C3orf70: variants seen among roughly 807,000 people sequenced by gnomAD.
C3orf70 encodes chromosome 3 open reading frame 70, also known as UPF0524 protein C3orf70.
Under a neutral mutation model 20.7 loss-of-function variants are expected in C3orf70, and 15 were observed. The observed-to-expected ratio is 0.72, with a 90% confidence interval of 0.48 to 1.11. The LOEUF is 1.11. Among genes scored for constraint, C3orf70 ranks in the 50% most tolerant of loss-of-function variants. The pLI is 0.00. For synonymous variants in C3orf70, 161 were observed against 125.7 expected (o/e 1.28, Z -1.88); for missense variants, 332 against 317.6 (o/e 1.05, Z -0.34).
At chr3:185,113,497 A>T (rs998798968) in intron 1 of C3orf70, among the ~76,000 whole-genome samples, 1 of 152,172 alleles carries the variant, frequency 6.6e-6, no homozygotes, top group African/African-American at 2.4e-5. Context: ...AGGAAGAAAA[A>T]GTCAGGAAAA....
chr3:185,136,396 T>A (rs1012373859), intron 1 of C3orf70, among the ~76,000 whole-genome samples: 2 of 151,944 alleles, frequency 1.3e-5, no homozygotes, highest in African/African-American at 4.8e-5. Flanking sequence ...GAGACCAGCC[T>A]GGCCAAAATG....
intron 1 of C3orf70, among the ~76,000 whole-genome samples, chr3:185,147,113 T>C (rs1188510145): frequency 6.6e-6 from 1 of 152,222 alleles, no homozygotes; most frequent in Non-Finnish European, 1.5e-5. Context: ...CATCTACCTT[T>C]TGCTGTGACA....
chr3:185,101,412 TAACTA>T (rs1715821574), intron 1 of C3orf70, among the ~76,000 whole-genome samples: 1 of 152,136 alleles, frequency 6.6e-6, no homozygotes, highest in Non-Finnish European at 1.5e-5. Flanking sequence ...ATTCATCACA[TAACTA>T]AAGACAACCA....
At position 185,151,327 on chromosome 3, in the gene C3orf70, C is replaced by T. The variant is rs1186421386; in HGVS notation, c.196+1301G>A. 7.2e-5 allele frequency among the ~76,000 whole-genome samples: 11 copies of T among 152,220 alleles called. No homozygotes were observed. The East Asian group carries it at 2.1e-3, about 29-fold the overall frequency. ...TTTTACACAACGATTCTATACTTTC[C>T]CACGAAATGAATGAAAGTCCAGATT... On this transcript the variant is annotated intron_variant, in intron 1 of 1. Transcript: ENST00000335012.
At chr3:185,093,487 A>C (rs58541159) in intron 1 of C3orf70, among the ~76,000 whole-genome samples, 3,648 of 152,274 alleles carry the variant, frequency 0.024, 121 homozygotes, top group African/African-American at 0.082. Flanking sequence ...GCAACAAATT[A>C]TTGTGTATTT....
At chr3:185,117,450 C>CTG (rs1561350484) in intron 1 of C3orf70, among the ~76,000 whole-genome samples, 1 of 67,320 alleles carries the variant, frequency 1.5e-5, no homozygotes, top group African/African-American at 6.7e-5. Context: ...CACACACACA[C>CTG]AGAAAGAGAG....
In C3orf70 at chr3:185,128,319, G is replaced by C. The variant is rs531959747; in HGVS notation, c.196+24309C>G. On this transcript the variant is annotated intron_variant, in intron 1 of 1. Coordinates refer to ENST00000335012, the MANE Select transcript of C3orf70 (RefSeq NM_001025266.3). Reference sequence around the variant, plus strand: ...GAGGCGGGTGGATCACCTGAGGTCAGGAGTTCGAGGCCAGTCTGGCCAACA... The same window carrying C: ...GAGGCGGGTGGATCACCTGAGGTCACGAGTTCGAGGCCAGTCTGGCCAACA... Among the ~76,000 whole-genome samples, 385 of 152,260 alleles carry C rather than the reference G, an allele frequency of 2.5e-3. 1 individual carries two copies. The highest frequency in any genetic ancestry group is 9.1e-3 in the African/African-American group (378 of 41,574).
chr3:185,146,567 C>A (rs1026690739), intron 1 of C3orf70, among the ~76,000 whole-genome samples: 1 of 152,138 alleles, frequency 6.6e-6, no homozygotes, highest in Non-Finnish European at 1.5e-5. Context: ...GGATTACAGG[C>A]GTGAGCCACC....
intron 1 of C3orf70, among the ~76,000 whole-genome samples, chr3:185,127,945 G>C (rs553452401): frequency 1.3e-5 from 2 of 152,224 alleles, no homozygotes; most frequent in East Asian, 3.9e-4. Flanking sequence ...CATTAGTGTG[G>C]ATTCACTAAA....
intron 1 of C3orf70, among the ~76,000 whole-genome samples, chr3:185,087,936 G>A (rs1264300369): frequency 6.9e-6 from 1 of 144,286 alleles, no homozygotes; most frequent in African/African-American, 2.6e-5. Context: ...TTTTGAGATG[G>A]AGTCTCTCTC....
At chr3:185,142,282 A>AC (rs1322618596) in intron 1 of C3orf70, among the ~76,000 whole-genome samples, 1 of 151,812 alleles carries the variant, frequency 6.6e-6, no homozygotes, top group African/African-American at 2.4e-5. Flanking sequence ...ACACAGTGAA[A>AC]CCCCCCTCTC....
At chr3:185,126,244 A>C (rs1456890664) in intron 1 of C3orf70, among the ~76,000 whole-genome samples, 1 of 152,186 alleles carries the variant, frequency 6.6e-6, no homozygotes, top group Non-Finnish European at 1.5e-5. Context: ...AACAAGTATC[A>C]AACGATATAG....
intron 1 of C3orf70, among the ~76,000 whole-genome samples, chr3:185,090,809 T>C (rs1390467307): frequency 2.6e-5 from 4 of 152,190 alleles, no homozygotes; most frequent in Non-Finnish European, 5.9e-5. Flanking sequence ...TGGCAGTCAA[T>C]ACACCAATAT....
Position 185,083,312 on chromosome 3 carries a change from G to C in C3orf70, c.448C>G (p.Pro150Ala), listed in dbSNP as rs140063737. 6.2e-7 allele frequency: 1 copy of C among 1,614,180 alleles called. No individual in the cohort carries two copies. Among genetic ancestry groups the C allele is most frequent in the Non-Finnish European group, 8.5e-7 (1 of 1,180,036 alleles). The change falls in exon 2 of 2, where the codon CCG becomes GCG. Residue 150 changes from proline (P) to alanine (A), a missense_variant. Transcript: ENST00000335012. The stretch of plus-strand genomic sequence containing the variant: ...CTCATTCTGTGGGAATGTGGTGCCG[G>C]CTGCTTCTGCACATAACACATCTTC... ...NGKMCYVQKQ[P>A]APHSHRMSPE... is the part of the protein sequence containing the mutation.
chr3:185,130,684 GC>G (rs1280348432), intron 1 of C3orf70, among the ~76,000 whole-genome samples: 1 of 151,936 alleles, frequency 6.6e-6, no homozygotes, highest in Non-Finnish European at 1.5e-5. Context: ...GCTTATTCTG[GC>G]CATTTCATAT....
At chr3:185,150,503 A>G (rs577186892) in intron 1 of C3orf70, among the ~76,000 whole-genome samples, 12 of 148,632 alleles carry the variant, frequency 8.1e-5, no homozygotes, top group African/African-American at 2.5e-4. Context: ...CAAAAATATA[A>G]GTGTGAGATG....
chr3:185,076,894 A>T lies in C3orf70; in HGVS notation c.*6113T>A, dbSNP rs1028329956. Among the ~76,000 whole-genome samples the T allele has an allele frequency of 9.9e-5, 15 of 152,188 alleles. No individual in the cohort carries two copies. The highest frequency in any genetic ancestry group is 1.9e-4 in the Non-Finnish European group (13 of 68,034). On this transcript the variant is annotated 3_prime_UTR_variant, in exon 2 of 2. Transcript: ENST00000335012. ...AAAAGTGTGTGCAGTCAGCATTTGTAAGAGGCTACAATGAGATGCCTTCTA... is the reference window on the plus strand; with the variant it reads ...AAAAGTGTGTGCAGTCAGCATTTGTTAGAGGCTACAATGAGATGCCTTCTA...
intron 1 of C3orf70, among the ~76,000 whole-genome samples, chr3:185,093,039 C>T (rs1284569082): frequency 6.6e-6 from 1 of 151,972 alleles, no homozygotes; most frequent in East Asian, 1.9e-4. Context: ...GGTTGAGTAT[C>T]CCTTATCTGA....
intron 1 of C3orf70, among the ~76,000 whole-genome samples, chr3:185,116,467 G>A (rs1329168481): frequency 1.3e-5 from 2 of 152,132 alleles, no homozygotes; most frequent in Non-Finnish European, 2.9e-5. Context: ...TATTATTTAC[G>A]TTTTAGGCTG....
Sources: gnomAD v4.1 joint callset for allele counts (sites outside exome capture counted in the v4.1 genomes callset) on GRCh38, gnomAD v4.1.1 for gene constraint, MANE v1.5 for transcripts, NCBI Gene and HGNC (gene_info 2026-07-23, HGNC 2026-07-21) for gene names.